PSD3: variants seen among roughly 807,000 people sequenced by gnomAD.
PSD3 encodes the protein pleckstrin and Sec7 domain containing 3.
In PSD3, 49 loss-of-function variants were observed where a neutral mutation model predicts 105.5. The ratio of observed to expected loss-of-function variants is 0.46; its 90% confidence interval spans 0.37 to 0.59. The LOEUF is 0.59. Among genes scored for constraint, PSD3 ranks in the 20% least tolerant of loss-of-function variants. The pLI is 0.00. For synonymous variants in PSD3, 557 were observed against 457.8 expected, an observed-to-expected ratio of 1.22 and a Z score of -2.77; for missense variants, 1,561 against 1,263.8, an observed-to-expected ratio of 1.24 and a Z score of -3.57.
intron 10 of PSD3, among the ~76,000 whole-genome samples, chr8:18,648,986 G>C (rs1408885149): frequency 2.0e-5 from 3 of 152,380 alleles, no homozygotes; most frequent in East Asian, 3.9e-4. Context: ...GTATGGAAAA[G>C]CCTGGATATC....
At chr8:18,838,802 A>AAATAAT (rs55792203) in intron 4 of PSD3, among the ~76,000 whole-genome samples, 2,028 of 131,826 alleles carry the variant, frequency 0.015, 24 homozygotes, top group Middle Eastern at 0.045. Flanking sequence ...ACTCCGTCTC[A>AAATAAT]AATAATAATA....
At chr8:18,656,717 A>C (rs1563148583) in intron 9 of PSD3, among the ~76,000 whole-genome samples, 1 of 152,026 alleles carries the variant, frequency 6.6e-6, no homozygotes, top group Non-Finnish European at 1.5e-5. Context: ...ACCGAGAAAC[A>C]TTTTTTTAAG....
chr8:18,555,952 G>A (rs186542745), intron 15 of PSD3, among the ~76,000 whole-genome samples: 6 of 152,192 alleles, frequency 3.9e-5, no homozygotes, highest in African/African-American at 9.6e-5. Context: ...CCCTCACAGC[G>A]GGCGCACACT....
rs150240863 is a variant in PSD3 at position 18,928,995 on chromosome 8, T to G, written c.130+7039A>C. On this transcript the variant is annotated intron_variant, in intron 2 of 15. Transcript: ENST00000327040. ...ACCAACAAGTCTTTTGTTTTTAAGA[T>G]GATGAAAATGTTCTAAAGTGGCCTG... 1.2e-4 allele frequency among the ~76,000 whole-genome samples: 18 copies of G among 152,254 alleles called. No homozygotes were observed. In the East Asian group the frequency reaches 3.5e-3, roughly 29 times the overall value.
chr8:18,843,668 G>GCCATACTGT (rs1814838722), intron 4 of PSD3, among the ~76,000 whole-genome samples: 1 of 152,164 alleles, frequency 6.6e-6, no homozygotes, highest in Admixed American at 6.5e-5. Flanking sequence ...TAATGAGTGT[G>GCCATACTGT]CCATACTGTT....
At chr8:18,859,767 G>C (rs895691428) in intron 4 of PSD3, among the ~76,000 whole-genome samples, 3 of 152,224 alleles carry the variant, frequency 2.0e-5, no homozygotes, top group African/African-American at 4.8e-5. Context: ...TCAGCTTTCA[G>C]AGAATTGAAG....
chr8:18,582,347 T>C (rs764391668), intron 12 of PSD3, among the ~76,000 whole-genome samples: 1 of 152,166 alleles, frequency 6.6e-6, no homozygotes, highest in African/African-American at 2.4e-5. Context: ...TACCTTTTCA[T>C]GACAGGACAC....
At chr8:18,852,284 C>CA (rs1815646447) in intron 4 of PSD3, among the ~76,000 whole-genome samples, 1 of 152,122 alleles carries the variant, frequency 6.6e-6, no homozygotes. Flanking sequence ...ACCAGGCACT[C>CA]AGAGAAGCTA....
intron 9 of PSD3, among the ~76,000 whole-genome samples, chr8:18,750,202 G>C (rs931069847): frequency 3.3e-5 from 5 of 152,276 alleles, no homozygotes; most frequent in East Asian, 3.9e-4. Context: ...GTGGGTTCTT[G>C]GTCTCACTGA....
Position 18,896,622 on chromosome 8 carries a change from A to G in PSD3, c.131-23889T>C, listed in dbSNP as rs1462813366. ...GAGATGAGGTTTCACCAGATTGCCC[A>G]GGCTGGTCTTGAACTCCTGAGCTCA... On this transcript the variant is annotated intron_variant, in intron 2 of 15. Transcript: ENST00000327040. Among the ~76,000 whole-genome samples the G allele has an allele frequency of 2.0e-5, 3 of 152,190 alleles. No homozygotes were observed. In the East Asian group the frequency reaches 5.8e-4, roughly 29 times the overall value.
chr8:18,619,645 A>G (rs879642254), intron 11 of PSD3, among the ~76,000 whole-genome samples: 7 of 147,192 alleles, frequency 4.8e-5, no homozygotes, highest in Non-Finnish European at 1.1e-4. Context: ...CCTCATCTCA[A>G]AAAAAAAAAA....
At position 18,594,139 on chromosome 8, in the gene PSD3, T is replaced by C. The variant is rs866179196; in HGVS notation, c.2481+6225A>G. Among the ~76,000 whole-genome samples, 67 of 30,810 alleles carry C rather than the reference T, an allele frequency of 2.2e-3. 5 individuals carry two copies. Among genetic ancestry groups the C allele is most frequent in the African/African-American group, 4.9e-3 (56 of 11,498 alleles). 20.2% of individuals were successfully genotyped at this position (30,810 alleles called of 152,430 possible). ...AAAGTATAATAATATATATTATATA[T>C]ATATTATATAATATATATTATTATA... On this transcript the variant is annotated intron_variant, in intron 12 of 15. Coordinates refer to ENST00000327040, the MANE Select transcript of PSD3 (RefSeq NM_015310.4).
At chr8:18,692,098 C>T (rs1299379433) in intron 9 of PSD3, among the ~76,000 whole-genome samples, 1 of 152,078 alleles carries the variant, frequency 6.6e-6, no homozygotes, top group Non-Finnish European at 1.5e-5. Context: ...CCATTTGGTA[C>T]AATGTAAGAG....
At position 18,531,161 on chromosome 8, in the gene PSD3, C is replaced by T. The variant is rs1279364508; in HGVS notation, c.*4582G>A. ...AAAAGCCTGCAATACTACAGATACA[C>T]ACACAAATTACAAAGGATGAACCGA... On this transcript the variant is annotated 3_prime_UTR_variant, in exon 16 of 16. Transcript: ENST00000327040. 2 of 152,640 alleles carry T rather than the reference C, an allele frequency of 1.3e-5. No homozygotes were observed. Among genetic ancestry groups the T allele is most frequent in the Non-Finnish European group, 2.9e-5 (2 of 68,042 alleles). The allele number at this position is 152,640 out of a possible 1,614,324, so 9.5% of individuals were successfully genotyped here. A position where few individuals can be genotyped will look rare whatever the true frequency, so the allele number is the denominator to read the frequency against.
At chr8:19,056,463 TC>T (rs1232198715) in intron 1 of PSD3, among the ~76,000 whole-genome samples, 1 of 152,180 alleles carries the variant, frequency 6.6e-6, no homozygotes, top group Non-Finnish European at 1.5e-5. Context: ...ATGGACAAAT[TC>T]CATGTACACA....
chr8:18,665,708 T>A (rs1799411919), intron 9 of PSD3, among the ~76,000 whole-genome samples: 1 of 151,994 alleles, frequency 6.6e-6, no homozygotes, highest in Admixed American at 6.6e-5. Context: ...TACAGCTGGG[T>A]GTGGGTGGCG....
chr8:18,696,049 T>C (rs1179402575), intron 9 of PSD3, among the ~76,000 whole-genome samples: 1 of 152,162 alleles, frequency 6.6e-6, no homozygotes, highest in East Asian at 1.9e-4. Flanking sequence ...TCGCTGAGAA[T>C]TGCCCTGAGA....
intron 4 of PSD3, among the ~76,000 whole-genome samples, chr8:18,840,107 C>G (rs1814493800): frequency 6.6e-6 from 1 of 152,146 alleles, no homozygotes; most frequent in Non-Finnish European, 1.5e-5. Context: ...TTCTCTAGGT[C>G]TTGAGCAAAA....
intron 1 of PSD3, among the ~76,000 whole-genome samples, chr8:18,961,415 G>A (rs1455828661): frequency 2.0e-5 from 3 of 152,180 alleles, no homozygotes; most frequent in Admixed American, 6.5e-5. Context: ...CAGGCTGGGC[G>A]CGGTGGCTCA....
Sources: allele counts gnomAD v4.1 joint callset (sites outside exome capture counted in the v4.1 genomes callset), GRCh38; gene constraint gnomAD v4.1.1; transcripts MANE v1.5; gene names NCBI Gene and HGNC (gene_info 2026-07-23, HGNC 2026-07-21).